Variants in OR9Q1 observed in about 807,000 individuals in gnomAD.
OR9Q1 encodes the protein olfactory receptor 9Q1.
For synonymous variants in OR9Q1, 153 were observed against 148.6 expected, an observed-to-expected ratio of 1.03 and a Z score of -0.22; for missense variants, 374 against 378.8, an observed-to-expected ratio of 0.99 and a Z score of 0.11.
chr11:58,146,108 A>G (rs1565089843), intron 2 of OR9Q1, among the ~76,000 whole-genome samples: 1 of 152,216 alleles, frequency 6.6e-6, no homozygotes. Context: ...TTTGATCTTG[A>G]TGTAGGGCTG....
intron 2 of OR9Q1, chr11:58,109,004 G>A (rs1853870384): frequency 2.3e-6 from 1 of 431,998 alleles, no homozygotes; most frequent in South Asian, 1.7e-5. Context: ...CTGATAATGA[G>A]CATGTAGCAG....
intron 2 of OR9Q1, among the ~76,000 whole-genome samples, chr11:58,131,975 G>A: frequency 6.6e-6 from 1 of 152,094 alleles, no homozygotes; most frequent in East Asian, 1.9e-4. Flanking sequence ...AGTATTAATA[G>A]TGGCAAAACT....
chr11:58,158,102 G>A (rs1280136145), intron 2 of OR9Q1, among the ~76,000 whole-genome samples: 1 of 152,186 alleles, frequency 6.6e-6, no homozygotes. Flanking sequence ...GAGCTACTGG[G>A]AACCAAAGCT....
intron 2 of OR9Q1, among the ~76,000 whole-genome samples, chr11:58,079,400 A>C (rs1197105204): frequency 6.6e-6 from 1 of 152,196 alleles, no homozygotes; most frequent in East Asian, 1.9e-4. Context: ...AATAAATTAA[A>C]ATTATATACT....
At chr11:58,155,524 T>G (rs1379969342) in intron 2 of OR9Q1, among the ~76,000 whole-genome samples, 1 of 152,146 alleles carries the variant, frequency 6.6e-6, no homozygotes, top group East Asian at 1.9e-4. Context: ...CTCCTTAAAT[T>G]TTGTGCTTAC....
At chr11:58,032,313 C>T (rs1383489654) in intron 1 of OR9Q1, among the ~76,000 whole-genome samples, 2 of 151,030 alleles carry the variant, frequency 1.3e-5, no homozygotes, top group Non-Finnish European at 3.0e-5. Flanking sequence ...CAATCCTAAG[C>T]AAAAAAAACC....
In OR9Q1 at chr11:58,119,080, C is replaced by T. The variant is rs769620522; in HGVS notation, c.-14-60351C>T. On this transcript the variant is annotated intron_variant, in intron 2 of 2. Transcript: ENST00000335397. ...CAGTGGGTTGCGAATGGCAGCATAGCGATCATAGGCCATCACTGCCAGCAG... is the reference window on the plus strand; with the variant it reads ...CAGTGGGTTGCGAATGGCAGCATAGTGATCATAGGCCATCACTGCCAGCAG... 2.2e-5 allele frequency: 35 copies of T among 1,613,780 alleles called. No individual in the cohort carries two copies. In the South Asian group the frequency reaches 2.5e-4, roughly 12 times the overall value.
chr11:58,111,489 G>C (rs959026950), intron 2 of OR9Q1, among the ~76,000 whole-genome samples: 1 of 152,114 alleles, frequency 6.6e-6, no homozygotes, highest in Non-Finnish European at 1.5e-5. Context: ...GAGGTCCATC[G>C]CCTTTAGTTC....
intron 2 of OR9Q1, among the ~76,000 whole-genome samples, chr11:58,157,247 G>T (rs902983195): frequency 6.6e-6 from 1 of 152,074 alleles, no homozygotes; most frequent in Non-Finnish European, 1.5e-5. Context: ...TACCAGGGTC[G>T]CTCCTACTGA....
chr11:58,120,015 T>G (rs1854011757), intron 2 of OR9Q1, among the ~76,000 whole-genome samples: 1 of 152,152 alleles, frequency 6.6e-6, no homozygotes, highest in African/African-American at 2.4e-5. Flanking sequence ...TAGTACACAT[T>G]GATATATTTT....
intron 1 of OR9Q1, chr11:58,031,812 C>T: frequency 6.2e-7 from 1 of 1,614,108 alleles, no homozygotes; most frequent in Non-Finnish European, 8.5e-7. Context: ...GTTGTCACGC[C>T]CATGCTCAAT....
intron 1 of OR9Q1, among the ~76,000 whole-genome samples, chr11:58,037,934 T>C (rs1230857767): frequency 2.0e-5 from 3 of 147,092 alleles, no homozygotes; most frequent in South Asian, 2.2e-4. Context: ...GGTTTTACCA[T>C]GTTAGCCAGG....
chr11:58,109,628 A>C, intron 2 of OR9Q1: 1 of 456,622 alleles, frequency 2.2e-6, no homozygotes, highest in Non-Finnish European at 4.4e-6. Context: ...ACAAGAATGA[A>C]CTCTGTCACA....
chr11:58,097,862 A>G (rs1475231051), intron 2 of OR9Q1, among the ~76,000 whole-genome samples: 1 of 152,240 alleles, frequency 6.6e-6, no homozygotes, highest in Non-Finnish European at 1.5e-5. Flanking sequence ...ATGAGTTAAT[A>G]CTTTTGATTC....
intron 2 of OR9Q1, among the ~76,000 whole-genome samples, chr11:58,143,414 C>T (rs191318785): frequency 2.4e-4 from 36 of 152,180 alleles, no homozygotes; most frequent in African/African-American, 8.7e-4. Context: ...GTGCTTTTTT[C>T]CTCCACAGGA....
At chr11:58,062,382 GGAGA>G (rs1216243339) in intron 2 of OR9Q1, among the ~76,000 whole-genome samples, 1 of 152,152 alleles carries the variant, frequency 6.6e-6, no homozygotes, top group Non-Finnish European at 1.5e-5. Flanking sequence ...CATCTATCTA[GGAGA>G]GAGACTCCCT....
chr11:58,169,691 T>C (rs1854537108), intron 2 of OR9Q1, among the ~76,000 whole-genome samples: 1 of 152,128 alleles, frequency 6.6e-6, no homozygotes, highest in African/African-American at 2.4e-5. Context: ...TTTTTTCTCA[T>C]TATCCCCCTT....
At chr11:58,112,799 A>T (rs1022932088) in intron 2 of OR9Q1, among the ~76,000 whole-genome samples, 1 of 152,178 alleles carries the variant, frequency 6.6e-6, no homozygotes, top group African/African-American at 2.4e-5. Flanking sequence ...ATGTGGCATT[A>T]TGTCAGGCAA....
Position 58,181,176 on chromosome 11 carries a change from A to T in OR9Q1, c.*799A>T, listed in dbSNP as rs1163334851. 6.0e-6 allele frequency: 1 copy of T among 167,058 alleles called. No homozygotes were observed. The highest frequency in any genetic ancestry group is 1.5e-5 in the Non-Finnish European group (1 of 68,126). The allele number at this position is 167,058 out of a possible 1,614,324, so 10.3% of individuals were successfully genotyped here. On this transcript the variant is annotated 3_prime_UTR_variant, in exon 3 of 3. Coordinates refer to ENST00000335397, the MANE Select transcript of OR9Q1 (RefSeq NM_001005212.4). ...ACCTATTACAGTTCTCTCTCGTCAT[A>T]TGGCATGACTAAAAATCCACTTAGC...
Sources: gnomAD v4.1 joint callset for allele counts (sites outside exome capture counted in the v4.1 genomes callset) on GRCh38, gnomAD v4.1.1 for gene constraint, MANE v1.5 for transcripts, NCBI Gene and HGNC (gene_info 2026-07-23, HGNC 2026-07-21) for gene names.